Variants in LMX1A observed in about 807,000 individuals in gnomAD.
LMX1A encodes the protein LIM homeobox transcription factor 1-alpha.
LMX1A carries 15 observed loss-of-function variants against 49.1 expected under a neutral mutation model. That is an observed-to-expected ratio of 0.31 (90% confidence interval 0.20 to 0.47). The LOEUF (loss-of-function observed/expected upper bound fraction) is 0.47, where lower values mean the gene tolerates loss of function less well. Among genes scored for constraint, LMX1A ranks in the 20% least tolerant of loss-of-function variants. The pLI, the probability that LMX1A is intolerant of heterozygous loss-of-function variation, is 1.00. For synonymous variants in LMX1A, 167 were observed against 185.7 expected, an observed-to-expected ratio of 0.90 and a Z score of 0.82; for missense variants, 372 against 475.8, an observed-to-expected ratio of 0.78 and a Z score of 2.03.
intron 4 of LMX1A, among the ~76,000 whole-genome samples, chr1:165,235,994 G>C (rs1652420479): frequency 6.6e-6 from 1 of 152,216 alleles, no homozygotes; most frequent in Non-Finnish European, 1.5e-5. Flanking sequence ...TGCGCTCCAC[G>C]GCGGGTCCCG....
At position 165,355,670 on chromosome 1, in the gene LMX1A, G is replaced by C. The variant is rs1656584847; in HGVS notation, c.-22-89C>G. On this transcript the variant is annotated intron_variant, in intron 1 of 8. Transcript: ENST00000342310. This position sits in a 1 kb window ranked among gnomAD's most constrained non-coding sequence, Gnocchi z 4.7. Reference sequence around the variant, plus strand: ...ACCGCACTCCTGGGAAAGAACTGAGGGAGTGTCCAGGGCGACCAGAATCAG... The same window carrying C: ...ACCGCACTCCTGGGAAAGAACTGAGCGAGTGTCCAGGGCGACCAGAATCAG... 5 of 953,846 alleles carry C rather than the reference G, an allele frequency of 5.2e-6. No individual in the cohort carries two copies. Among genetic ancestry groups the C allele is most frequent in the African/African-American group, 1.6e-5 (1 of 61,798 alleles). The allele number at this position is 953,846 out of a possible 1,614,324, so 59.1% of individuals were successfully genotyped here. A position where few individuals can be genotyped will look rare whatever the true frequency, so the allele number is the denominator to read the frequency against.
In LMX1A at chr1:165,210,758, C is replaced by A; in HGVS notation, c.688G>T (p.Ala230Ser). 1.9e-6 allele frequency: 3 copies of A among 1,613,794 alleles called. No homozygotes were observed. Among genetic ancestry groups the A allele is most frequent in the Non-Finnish European group, 2.5e-6 (3 of 1,179,768 alleles). ...ACACGGACACTCAGCCCTGTCTCTG[C>A]AGCCAGAGTCTCTCTCACCTTGGAA... is the stretch of plus-strand genomic sequence containing the variant. ...PCRKVRETLA[A>S]ETGLSVRVVQ... Residue 230 changes from alanine to serine, a missense_variant, in exon 6 of 9, where the codon GCA becomes TCA. By Grantham distance (99) the Ala-to-Ser change is moderately conservative. Coordinates refer to ENST00000342310, the MANE Select transcript of LMX1A (RefSeq NM_177398.4).
Position 165,233,184 on chromosome 1 carries a change from G to A in LMX1A, c.496+16224C>T, listed in dbSNP as rs1652298405. ...AACTACCCAGTTTTGGCCGGGCACG[G>A]CGGCTCATGCCTATAATCCAATCAC... On this transcript the variant is annotated intron_variant, in intron 4 of 8. Transcript: ENST00000342310. 5.3e-5 allele frequency among the ~76,000 whole-genome samples: 8 copies of A among 152,308 alleles called. 1 individual carries two copies. In the South Asian group the frequency reaches 1.7e-3, roughly 32 times the overall value.
intron 3 of LMX1A, among the ~76,000 whole-genome samples, chr1:165,329,466 T>C (rs1655676973): frequency 6.6e-6 from 1 of 152,114 alleles, no homozygotes; most frequent in African/African-American, 2.4e-5. Context: ...CAAAGGCCAT[T>C]CAGTGAAGGG....
intron 3 of LMX1A, among the ~76,000 whole-genome samples, chr1:165,263,573 C>T (rs1653516002): frequency 6.6e-6 from 1 of 152,220 alleles, no homozygotes; most frequent in Non-Finnish European, 1.5e-5. Context: ...TCCACCATAT[C>T]TTCCCTGGGT....
intron 2 of LMX1A, among the ~76,000 whole-genome samples, chr1:165,354,734 TAAATA>T (rs145908114): frequency 2.6e-5 from 4 of 151,962 alleles, no homozygotes; most frequent in East Asian, 3.9e-4. Flanking sequence ...TAAAAATAAA[TAAATA>T]AAATAAAATA....
intron 3 of LMX1A, among the ~76,000 whole-genome samples, chr1:165,350,321 G>C (rs1656388103): frequency 6.6e-6 from 1 of 152,134 alleles, no homozygotes. Flanking sequence ...ATTCCAGATA[G>C]CTTCTGTGCA....
chr1:165,356,480 C>A lies in LMX1A; in HGVS notation c.-148G>T, dbSNP rs992759453. On this transcript the variant is annotated 5_prime_UTR_variant, in exon 1 of 9. Transcript: ENST00000342310. ...GGAGGAGCCGCCCTCGGCTTCGGAG[C>A]GCCGGGGAGGGAGCCGGAGCGAACG... 1.3e-5 allele frequency: 2 copies of A among 152,062 alleles called. No homozygotes were observed. The highest frequency in any genetic ancestry group is 1.9e-4 in the East Asian group (1 of 5,148). 9.4% of individuals were successfully genotyped at this position (152,062 alleles called of 1,614,324 possible).
intron 3 of LMX1A, among the ~76,000 whole-genome samples, chr1:165,301,202 C>T (rs1157276278): frequency 1.3e-5 from 2 of 152,290 alleles, no homozygotes; most frequent in Admixed American, 6.5e-5. Context: ...ATCCCTTCCC[C>T]TTTAACACGT....
At chr1:165,324,646 A>G (rs1467099235) in intron 3 of LMX1A, among the ~76,000 whole-genome samples, 3 of 152,204 alleles carry the variant, frequency 2.0e-5, no homozygotes, top group African/African-American at 7.2e-5. Context: ...AATAAATATT[A>G]ATAACAACAT....
chr1:165,333,407 C>T (rs1256428476), intron 3 of LMX1A, among the ~76,000 whole-genome samples: 1 of 152,154 alleles, frequency 6.6e-6, no homozygotes, highest in African/African-American at 2.4e-5. Flanking sequence ...GATCTGCCCA[C>T]CTCCGCCTCC....
chr1:165,236,206 G>T (rs1025185309), intron 4 of LMX1A, among the ~76,000 whole-genome samples: 1 of 152,176 alleles, frequency 6.6e-6, no homozygotes, highest in Admixed American at 6.5e-5. Flanking sequence ...ATTCCCACCC[G>T]CCGCCCTTTC....
intron 3 of LMX1A, among the ~76,000 whole-genome samples, chr1:165,260,245 C>T (rs1019796657): frequency 6.6e-6 from 1 of 152,140 alleles, no homozygotes; most frequent in Non-Finnish European, 1.5e-5. Context: ...ATTCTGGGCA[C>T]AGATTCCTAT....
At chr1:165,267,582 G>C (rs1478039825) in intron 3 of LMX1A, among the ~76,000 whole-genome samples, 2 of 152,142 alleles carry the variant, frequency 1.3e-5, no homozygotes, top group Non-Finnish European at 2.9e-5. Flanking sequence ...GCTGTGTTGA[G>C]AGATACTTGT....
chr1:165,238,729 A>T (rs1652538351), intron 4 of LMX1A, among the ~76,000 whole-genome samples: 1 of 152,240 alleles, frequency 6.6e-6, no homozygotes, highest in East Asian at 1.9e-4. Context: ...AGCCAGCCAG[A>T]AAGAGCTGTC....
intron 3 of LMX1A, among the ~76,000 whole-genome samples, chr1:165,263,412 T>TAACA (rs1653508364): frequency 6.6e-6 from 1 of 152,212 alleles, no homozygotes. Flanking sequence ...TCTTACCTGT[T>TAACA]GCTCAAGACA....
At chr1:165,314,485 C>T (rs1431053708) in intron 3 of LMX1A, among the ~76,000 whole-genome samples, 1 of 152,130 alleles carries the variant, frequency 6.6e-6, no homozygotes, top group East Asian at 1.9e-4. Context: ...AGATCAGTCC[C>T]CTTTCTAGCT....
intron 3 of LMX1A, among the ~76,000 whole-genome samples, chr1:165,250,319 C>T (rs1204987028): frequency 6.6e-6 from 1 of 152,152 alleles, no homozygotes; most frequent in Non-Finnish European, 1.5e-5. Context: ...ACAGTGCTTT[C>T]AAAGGTTGGT....
At chr1:165,279,859 G>A (rs1303136795) in intron 3 of LMX1A, among the ~76,000 whole-genome samples, 1 of 147,064 alleles carries the variant, frequency 6.8e-6, no homozygotes, top group Non-Finnish European at 1.5e-5. Context: ...TCGTTTACAT[G>A]ACCCTTTTCC....
Sources: allele counts gnomAD v4.1 joint callset (sites outside exome capture counted in the v4.1 genomes callset), GRCh38; gene constraint gnomAD v4.1.1; non-coding constraint Gnocchi (gnomAD v3.1); transcripts MANE v1.5; gene names NCBI Gene and HGNC (gene_info 2026-07-23, HGNC 2026-07-21).